SPAG17: variants seen among roughly 807,000 people sequenced by gnomAD.
The protein encoded by SPAG17 is sperm associated antigen 17.
SPAG17 carries 169 observed loss-of-function variants against 273.6 expected under a neutral mutation model. The ratio of observed to expected loss-of-function variants is 0.62; its 90% CI spans 0.55 to 0.70. SPAG17 has a LOEUF of 0.70. SPAG17 is among the 30% of genes least tolerant of loss of function. The probability of loss-of-function intolerance (pLI) is 0.00; values close to 1 mark genes in which losing one functional copy is unlikely to be tolerated. For synonymous variants in SPAG17, 825 were observed against 873.2 expected, an observed-to-expected ratio of 0.94 and a Z score of 0.97; for missense variants, 2,557 against 2,627.8, an observed-to-expected ratio of 0.97 and a Z score of 0.59.
In SPAG17 at chr1:118,101,918, T is replaced by C; in HGVS notation, c.456A>G (p.Glu152=). ...TATCCTTTTCTAACTTAGGTTTGTC[T>C]TCTATTACCTGGAATGAGAGAACAC... is the stretch of plus-strand genomic sequence containing the variant. ...QRRENEKKVI[E]DKPKLEKDKG... Residue 152 remains glutamate, a synonymous_variant, in exon 5 of 49, where the codon GAA becomes GAG. Transcript: ENST00000336338. 6.2e-7 allele frequency: 1 copy of C among 1,610,962 alleles called. No homozygotes were observed. Among genetic ancestry groups the C allele is most frequent in the South Asian group, 1.1e-5 (1 of 90,254 alleles).
chr1:118,126,961 G>A (rs1570740717), intron 3 of SPAG17, among the ~76,000 whole-genome samples: 1 of 152,092 alleles, frequency 6.6e-6, no homozygotes, highest in Non-Finnish European at 1.5e-5. Flanking sequence ...CCTATTGTAT[G>A]TTCTTGGCAC....
At chr1:118,105,238 T>A (rs1656323695) in intron 4 of SPAG17, among the ~76,000 whole-genome samples, 1 of 151,934 alleles carries the variant, frequency 6.6e-6, no homozygotes, top group Admixed American at 6.6e-5. Context: ...GGCAGGAGGT[T>A]TGAATAGGGA....
chr1:118,129,727 TTTC>T (rs889508405), intron 3 of SPAG17, among the ~76,000 whole-genome samples: 11 of 151,816 alleles, frequency 7.2e-5, no homozygotes, highest in Non-Finnish European at 1.0e-4. Flanking sequence ...TTTCTTTCCC[TTTC>T]TTTTCTTTCC....
In SPAG17 at chr1:118,108,940, T is replaced by TA. The variant is rs1417397812; in HGVS notation, c.447+6369dup. Among the ~76,000 whole-genome samples, 3 of 152,224 alleles carry TA rather than the reference T, an allele frequency of 2.0e-5. No individual in the cohort carries two copies. The South Asian group carries it at 6.2e-4, about 32-fold the overall frequency. On this transcript the variant is annotated intron_variant, in intron 4 of 48. Transcript: ENST00000336338. ...TATTCTCACTTTTTAAAGGGAAAAA[T>TA]AAAAAATTCTCCTTCTCTATAATAG...
At chr1:118,161,830 C>T (rs1413251017) in intron 1 of SPAG17, among the ~76,000 whole-genome samples, 2 of 152,152 alleles carry the variant, frequency 1.3e-5, no homozygotes, top group Admixed American at 6.5e-5. Context: ...CCACGGCGTC[C>T]GGCCAGGGAA....
intron 29 of SPAG17, 130 bp from the exon 30 acceptor site, chr1:118,012,502 C>T: frequency 3.1e-6 from 3 of 958,074 alleles, no homozygotes; most frequent in Non-Finnish European, 4.6e-6. Context: ...AAAGTTTTAT[C>T]TCATCTACCT....
intron 3 of SPAG17, among the ~76,000 whole-genome samples, chr1:118,137,141 C>A (rs1245777500): frequency 1.3e-5 from 2 of 152,254 alleles, no homozygotes; most frequent in East Asian, 1.9e-4. Flanking sequence ...TAGCTCTTCA[C>A]AAAAGATGTA....
At chr1:118,110,810 G>C (rs1394784988) in intron 4 of SPAG17, among the ~76,000 whole-genome samples, 1 of 152,222 alleles carries the variant, frequency 6.6e-6, no homozygotes, top group Non-Finnish European at 1.5e-5. Flanking sequence ...TACTGATTGT[G>C]AGCCAAGAGT....
At chr1:118,183,903 T>C (rs1468782017) in intron 1 of SPAG17, among the ~76,000 whole-genome samples, 1 of 152,192 alleles carries the variant, frequency 6.6e-6, no homozygotes, top group Non-Finnish European at 1.5e-5. Context: ...TTGAAAAACA[T>C]CTTTGAGAAT....
intron 1 of SPAG17, among the ~76,000 whole-genome samples, chr1:118,184,112 C>A (rs779439416): frequency 6.2e-4 from 95 of 152,102 alleles, no homozygotes; most frequent in Non-Finnish European, 1.2e-3. Flanking sequence ...AAAATAAAGA[C>A]AGGTAAAAAT....
intron 15 of SPAG17, 38 bp from the exon 16 acceptor site, chr1:118,074,638 G>A (rs746734913): frequency 1.3e-5 from 20 of 1,588,990 alleles, no homozygotes; most frequent in Non-Finnish European, 1.7e-5. Context: ...TTGTGTTCTG[G>A]CTTTGTTCTT....
intron 39 of SPAG17, 67 bp downstream of exon 39, chr1:117,988,038 G>T: frequency 6.9e-7 from 1 of 1,448,288 alleles, no homozygotes; most frequent in Non-Finnish European, 9.4e-7. Flanking sequence ...TATAGCACCT[G>T]CATATTCCAT....
chr1:118,091,749 T>A, intron 9 of SPAG17, 31 bp from the exon 10 acceptor site: 1 of 1,441,016 alleles, frequency 6.9e-7, no homozygotes, highest in African/African-American at 1.4e-5. Flanking sequence ...CATTGCCCAA[T>A]TAAGTTGTGT....
At chr1:118,030,600 C>T in intron 25 of SPAG17, among the ~76,000 whole-genome samples, 1 of 152,038 alleles carries the variant, frequency 6.6e-6, no homozygotes, top group Admixed American at 6.6e-5. Flanking sequence ...TTGCCCTTGA[C>T]CCCCTGACAG....
intron 4 of SPAG17, among the ~76,000 whole-genome samples, chr1:118,114,215 A>G (rs549328880): frequency 2.0e-5 from 3 of 152,308 alleles, no homozygotes; most frequent in Non-Finnish European, 4.4e-5. Context: ...AACACGATGG[A>G]AAGAGTTTCA....
At chr1:118,000,383 G>T (rs1658142163) in intron 32 of SPAG17, among the ~76,000 whole-genome samples, 1 of 152,254 alleles carries the variant, frequency 6.6e-6, no homozygotes, top group African/African-American at 2.4e-5. Context: ...GCTTGATGGG[G>T]ATGGCATTGA....
At chr1:118,038,518 C>T (rs1046296307) in intron 23 of SPAG17, among the ~76,000 whole-genome samples, 2 of 152,104 alleles carry the variant, frequency 1.3e-5, no homozygotes, top group Non-Finnish European at 2.9e-5. Context: ...TGGAGGCAAC[C>T]AAGATGTCCT....
chr1:118,142,781 C>T (rs1335030695), intron 3 of SPAG17, among the ~76,000 whole-genome samples: 1 of 152,124 alleles, frequency 6.6e-6, no homozygotes, highest in Non-Finnish European at 1.5e-5. Context: ...AGCAGTGGAA[C>T]CAGGACATGA....
intron 1 of SPAG17, among the ~76,000 whole-genome samples, chr1:118,165,531 T>G (rs1401984776): frequency 6.6e-6 from 1 of 151,938 alleles, no homozygotes; most frequent in African/African-American, 2.4e-5. Flanking sequence ...TTTTCTTAGG[T>G]TGGTGCCAAA....
Sources: allele counts gnomAD v4.1 joint callset (sites outside exome capture counted in the v4.1 genomes callset), GRCh38; gene constraint gnomAD v4.1.1; transcripts MANE v1.5; gene names NCBI Gene and HGNC (gene_info 2026-07-23, HGNC 2026-07-21).